The following GSE1 variants were observed in gnomAD, a reference collection of about 807,000 sequenced individuals.
GSE1 encodes the protein Gse1 coiled-coil protein.
In GSE1, 32 loss-of-function variants were observed where a neutral mutation model predicts 112.6. The observed-to-expected ratio is 0.28, with a 90% confidence interval of 0.21 to 0.38. GSE1 has a LOEUF of 0.38. Ranked by LOEUF, GSE1 falls within the 10% of genes least tolerant of loss-of-function variation. The pLI is 1.00. For missense variants in GSE1, 2,348 were observed against 1,699.2 expected (o/e 1.38, Z -6.71); for synonymous variants, 1,115 against 735.6 (o/e 1.52, Z -8.35).
rs187459001 is a variant in GSE1, at chr16:85,599,124, C to T, written c.37+42761C>T. The stretch of plus-strand genomic sequence containing the variant: ...GAATAATGTTGACTTACACTGGGGA[C>T]CCAATTCTCTCTGAATAAAATTCCC... On this transcript the variant is annotated intron_variant, in intron 1 of 2. Coordinates refer to the GSE1 transcript ENST00000635906. 2.7e-5 allele frequency among the ~76,000 whole-genome samples: 4 copies of T among 150,482 alleles called. No homozygotes were observed. The East Asian group carries it at 7.7e-4, about 29-fold the overall frequency.
chr16:85,347,857 G>A (rs1024175171), intron 1 of GSE1, among the ~76,000 whole-genome samples: 3 of 152,208 alleles, frequency 2.0e-5, no homozygotes, highest in African/African-American at 7.2e-5. Context: ...CAGCTCCTGG[G>A]CTTGGGGACA....
At chr16:85,466,850 A>C (rs1425396662) in intron 2 of GSE1, among the ~76,000 whole-genome samples, 1 of 152,156 alleles carries the variant, frequency 6.6e-6, no homozygotes, top group Non-Finnish European at 1.5e-5. Flanking sequence ...ACTTGGGGTG[A>C]GGAGTTCGAG....
intron 1 of GSE1, among the ~76,000 whole-genome samples, chr16:85,337,362 G>A (rs2046517708): frequency 6.7e-6 from 1 of 148,696 alleles, no homozygotes; most frequent in African/African-American, 2.5e-5. Flanking sequence ...CTGGAGTGCA[G>A]TGGCGCGATC....
chr16:85,605,070 G>A (rs1423579055), intron 1 of GSE1, among the ~76,000 whole-genome samples: 1 of 150,696 alleles, frequency 6.6e-6, no homozygotes, highest in Admixed American at 6.6e-5. Flanking sequence ...GTCCGCCTCG[G>A]CCTCCCAAAG....
chr16:85,484,543 C>A (rs556732242), intron 2 of GSE1, among the ~76,000 whole-genome samples: 2 of 152,342 alleles, frequency 1.3e-5, no homozygotes, highest in African/African-American at 4.8e-5. Context: ...GACGCCTCCG[C>A]GACACAGCAG....
intron 1 of GSE1, among the ~76,000 whole-genome samples, chr16:85,261,672 T>A (rs1907697571): frequency 6.6e-6 from 1 of 152,158 alleles, no homozygotes; most frequent in African/African-American, 2.4e-5. Flanking sequence ...CCACTGACTT[T>A]CGGCAGTGTC....
chr16:85,320,618 C>T (rs1597385764), intron 1 of GSE1, among the ~76,000 whole-genome samples: 1 of 152,122 alleles, frequency 6.6e-6, no homozygotes, highest in Admixed American at 6.5e-5. Context: ...CTTACAGAAA[C>T]ACTTAATCCA....
chr16:85,628,725 C>A (rs2049283118), intron 1 of GSE1, among the ~76,000 whole-genome samples: 1 of 152,222 alleles, frequency 6.6e-6, no homozygotes, highest in African/African-American at 2.4e-5. Context: ...TGGTTCACTG[C>A]AGAAAAATTA....
chr16:85,554,799 ACGGGCGGGCGGG>A, upstream of GSE1: 12 of 693,680 alleles, frequency 1.7e-5, no homozygotes, highest in African/African-American at 1.4e-4. Context: ...GGGAGGACGG[ACGGGCGGGCGGG>A]CGGGCGGCCA....
chr16:85,267,759 G>T (rs2144152884), intron 1 of GSE1, among the ~76,000 whole-genome samples: 1 of 152,172 alleles, frequency 6.6e-6, no homozygotes, highest in East Asian at 1.9e-4. Context: ...CCCACTGCAG[G>T]CAAACCCTCC....
At chr16:85,280,000 A>T (rs2151421611) in intron 1 of GSE1, among the ~76,000 whole-genome samples, 1 of 152,284 alleles carries the variant, frequency 6.6e-6, no homozygotes, top group East Asian at 1.9e-4. Flanking sequence ...CTGAGGGGGA[A>T]ATTGAGCCTT....
intron 1 of GSE1, among the ~76,000 whole-genome samples, chr16:85,588,530 G>A (rs1225953261): frequency 6.6e-6 from 1 of 152,200 alleles, no homozygotes; most frequent in African/African-American, 2.4e-5. Context: ...TCCAAATGAG[G>A]CGATTAAAGA....
At chr16:85,171,339 G>A in exon 1 of GSE1, 2 of 985,608 alleles carry the variant, frequency 2.0e-6, no homozygotes, top group Non-Finnish European at 2.4e-6. Context: ...CCGGGAAGGA[G>A]TTCCAGCTCA....
intron 9 of GSE1, 51 bp from the exon 10 acceptor site, chr16:85,662,930 T>G: frequency 7.7e-7 from 1 of 1,293,618 alleles, no homozygotes; most frequent in Non-Finnish European, 1.1e-6. Context: ...GCATGTCCAC[T>G]GGACAGATGA....
chr16:85,650,521 C>T lies in GSE1; in HGVS notation c.426+1770C>T, dbSNP rs567666160. Among the ~76,000 whole-genome samples the T allele has an allele frequency of 1.5e-3, 221 of 152,340 alleles. 1 individual carries two copies. The highest frequency in any genetic ancestry group is 6.8e-3 in the Middle Eastern group (2 of 294). On this transcript the variant is annotated intron_variant, in intron 3 of 15. Coordinates refer to ENST00000253458, the MANE Select transcript of GSE1 (RefSeq NM_014615.5). ...CCAGGACGCCTCGAGGGGATTCCAG[C>T]GCCTTTTCCGGCGACTCCTCCGCTC...
intron 2 of GSE1, among the ~76,000 whole-genome samples, chr16:85,510,021 C>T (rs561679469): frequency 6.6e-6 from 1 of 152,290 alleles, no homozygotes; most frequent in East Asian, 1.9e-4. Context: ...AATGTGACTC[C>T]AAAGAGAGAG....
At chr16:85,180,178 T>G (rs2143282047) in intron 1 of GSE1, among the ~76,000 whole-genome samples, 1 of 152,262 alleles carries the variant, frequency 6.6e-6, no homozygotes, top group African/African-American at 2.4e-5. Context: ...ATTAAATCGG[T>G]TGCTGGATTG....
intron 2 of GSE1, among the ~76,000 whole-genome samples, chr16:85,524,656 C>G (rs1057413759): frequency 1.3e-5 from 2 of 152,222 alleles, no homozygotes; most frequent in South Asian, 4.1e-4. Flanking sequence ...TGTACACTGT[C>G]CTGACCTGTT....
intron 1 of GSE1, among the ~76,000 whole-genome samples, chr16:85,241,668 A>T (rs769722772): frequency 6.6e-6 from 1 of 152,166 alleles, no homozygotes; most frequent in African/African-American, 2.4e-5. Context: ...ATTCAAACTC[A>T]GGTCTGCATG....
Sources: gnomAD v4.1 joint callset for allele counts (sites outside exome capture counted in the v4.1 genomes callset) on GRCh38, gnomAD v4.1.1 for gene constraint, MANE v1.5 for transcripts, NCBI Gene and HGNC (gene_info 2026-07-23, HGNC 2026-07-21) for gene names.